The following CRTC1 variants were observed in gnomAD, a reference collection of about 807,000 sequenced individuals.
CRTC1 encodes CREB-regulated transcription coactivator 1.
In CRTC1, 18 loss-of-function variants were observed where a neutral mutation model predicts 66.1. That is an observed-to-expected ratio of 0.27 (90% CI 0.19 to 0.40). The LOEUF (loss-of-function observed/expected upper bound fraction) is 0.40, where lower values mean the gene tolerates loss of function less well. CRTC1 is among the 10% of genes least tolerant of loss of function. The pLI, the probability that CRTC1 is intolerant of heterozygous loss-of-function variation, is 1.00. For synonymous variants in CRTC1, 416 were observed against 398.8 expected (o/e 1.04, Z -0.51); for missense variants, 669 against 887.9 (o/e 0.75, Z 3.13).
chr19:18,736,203 T>C (rs1279346117), intron 1 of CRTC1, among the ~76,000 whole-genome samples: 1 of 152,154 alleles, frequency 6.6e-6, no homozygotes, highest in Non-Finnish European at 1.5e-5. Context: ...TGGAGATCCC[T>C]CCAAGGCCCA....
At chr19:18,700,783 C>A (rs540712206) in intron 1 of CRTC1, among the ~76,000 whole-genome samples, 5 of 152,180 alleles carry the variant, frequency 3.3e-5, no homozygotes, top group African/African-American at 1.2e-4. Context: ...CAAAGACACG[C>A]GAGCTGTCCA....
At chr19:18,740,732 G>A (rs1200060936) in intron 1 of CRTC1, among the ~76,000 whole-genome samples, 1 of 152,172 alleles carries the variant, frequency 6.6e-6, no homozygotes, top group African/African-American at 2.4e-5. Flanking sequence ...GGCCAGGCGC[G>A]GTGACTCATT....
intron 1 of CRTC1, among the ~76,000 whole-genome samples, chr19:18,733,172 C>T (rs1007172015): frequency 6.6e-6 from 1 of 152,134 alleles, no homozygotes; most frequent in Non-Finnish European, 1.5e-5. Context: ...CCTGTCTTCC[C>T]TTAGTGCCTC....
At chr19:18,731,595 G>A (rs1187489513) in intron 1 of CRTC1, among the ~76,000 whole-genome samples, 1 of 152,228 alleles carries the variant, frequency 6.6e-6, no homozygotes, top group Non-Finnish European at 1.5e-5. Context: ...ATCTAACACA[G>A]GACCCGATTC....
At position 18,716,316 on chromosome 19, in the gene CRTC1, G is replaced by A. The variant is rs150552943; in HGVS notation, c.127-26594G>A. ...CACCCAGGCTGGAGTGCAGTGGCACGATCTCAGCTCACTGCAGTCTCCACC... is the reference window on the plus strand; with the variant it reads ...CACCCAGGCTGGAGTGCAGTGGCACAATCTCAGCTCACTGCAGTCTCCACC... On this transcript the variant is annotated intron_variant, in intron 1 of 13. Transcript: ENST00000321949. Among the ~76,000 whole-genome samples the A allele has an allele frequency of 2.8e-4, 43 of 151,766 alleles. No individual in the cohort carries two copies. In the East Asian group the frequency reaches 5.4e-3, roughly 19 times the overall value.
At chr19:18,756,997 C>T (rs1339815594) in intron 6 of CRTC1, among the ~76,000 whole-genome samples, 1 of 152,232 alleles carries the variant, frequency 6.6e-6, no homozygotes, top group Admixed American at 6.5e-5. Flanking sequence ...GGCTTAACAC[C>T]CGCCGGTCGC....
In CRTC1 at chr19:18,768,594, C is replaced by A; in HGVS notation, c.1121C>A (p.Pro374Gln). ...PPQPQPPPPP[P>Q]PASQQPPPPP... ...CAGCCCCAGCCCCCGCCGCCTCCTC[C>A]ACCCGCGTCCCAGCAGCCACCACCC... Residue 374 changes from proline to glutamine, a missense_variant, in exon 10 of 14, where the codon CCA becomes CAA. By Grantham distance (76) the Pro-to-Gln change is moderately conservative. This residue lies in a region of CRTC1 where 241 missense variants were observed against 242.2 expected (regional missense o/e 0.99). Coordinates refer to ENST00000321949, the MANE Select transcript of CRTC1 (RefSeq NM_015321.3). This position sits in a 1 kb window ranked among gnomAD's most constrained non-coding sequence, Gnocchi z 5.6. The A allele has an allele frequency of 6.4e-7, 1 of 1,552,106 alleles. No homozygotes were observed. The highest frequency in any genetic ancestry group is 8.7e-7 in the Non-Finnish European group (1 of 1,144,334).
At chr19:18,707,952 C>A (rs2053302970) in intron 1 of CRTC1, among the ~76,000 whole-genome samples, 1 of 152,278 alleles carries the variant, frequency 6.6e-6, no homozygotes, top group South Asian at 2.1e-4. Context: ...ATGAAGGGGG[C>A]TAACTCTGTC....
chr19:18,739,348 G>C (rs2054064712), intron 1 of CRTC1, among the ~76,000 whole-genome samples: 1 of 152,244 alleles, frequency 6.6e-6, no homozygotes, highest in Non-Finnish European at 1.5e-5. Flanking sequence ...ACCTTGAGGT[G>C]GCTTGTGTTG....
At chr19:18,761,097 T>C (rs1008083770) in intron 8 of CRTC1, among the ~76,000 whole-genome samples, 2 of 150,082 alleles carry the variant, frequency 1.3e-5, no homozygotes, top group Non-Finnish European at 2.9e-5. Context: ...CCTCTGCACA[T>C]GTAGTCCTTC....
rs1040582643 is a variant in CRTC1, at chr19:18,746,918, G to A, written c.382-135G>A. On this transcript the variant is annotated intron_variant, in intron 3 of 13. Coordinates refer to ENST00000321949, the MANE Select transcript of CRTC1 (RefSeq NM_015321.3). ...GAAAGGCCGGCAGGAAACGCCCCCC[G>A]CCCTACTGGTCCCAGCTGTTTGCAG... is the stretch of plus-strand genomic sequence containing the variant. The A allele has an allele frequency of 2.0e-4, 141 of 722,584 alleles. 2 individuals carry two copies. The highest frequency in any genetic ancestry group is 1.5e-3 in the Admixed American group (68 of 45,568). The allele number at this position is 722,584 out of a possible 1,614,324, so 44.8% of individuals were successfully genotyped here.
At chr19:18,758,531 C>T (rs974112023) in intron 6 of CRTC1, among the ~76,000 whole-genome samples, 2 of 152,028 alleles carry the variant, frequency 1.3e-5, no homozygotes, top group African/African-American at 4.8e-5. Context: ...AGCAGAAAAA[C>T]CAGTGTCATG....
In CRTC1 at chr19:18,774,958, C is replaced by T; in HGVS notation, c.1484C>T (p.Ala495Val). 5 of 1,607,928 alleles carry T rather than the reference C, an allele frequency of 3.1e-6. No individual in the cohort carries two copies. Among genetic ancestry groups the T allele is most frequent in the South Asian group, 1.1e-5 (1 of 91,060 alleles). ...GDAYYEQQMA[A>V]RQANALSHQL... ...GCGTACTATGAGCAGCAGATGGCGG[C>T]CAGGCAGGCCAATGCTCTGTCCCAC... The change falls in exon 12 of 14, where the codon GCC becomes GTC. Residue 495 changes from alanine (A) to valine (V), a missense_variant. Coordinates refer to ENST00000321949, the MANE Select transcript of CRTC1 (RefSeq NM_015321.3).
intron 1 of CRTC1, among the ~76,000 whole-genome samples, chr19:18,702,893 T>C (rs1433675285): frequency 6.6e-6 from 1 of 152,106 alleles, no homozygotes; most frequent in Non-Finnish European, 1.5e-5. Flanking sequence ...TTTCCCACAT[T>C]GTGAACATCA....
At chr19:18,683,933 G>A (rs1370022354) in intron 1 of CRTC1, 105 bp downstream of exon 1, 1 of 156,728 alleles carries the variant, frequency 6.4e-6, no homozygotes, top group Non-Finnish European at 1.3e-5. Context: ...CGGCGGGGGC[G>A]GGGCGCGCGC....
intron 10 of CRTC1, among the ~76,000 whole-genome samples, chr19:18,769,419 CAG>C (rs2054812648): frequency 6.6e-6 from 1 of 152,256 alleles, no homozygotes; most frequent in South Asian, 2.1e-4. Flanking sequence ...TCCAGGGAAA[CAG>C]GGACTTGTGT....
chr19:18,729,548 C>T (rs1023503762), intron 1 of CRTC1, among the ~76,000 whole-genome samples: 1 of 151,792 alleles, frequency 6.6e-6, no homozygotes, highest in Non-Finnish European at 1.5e-5. Context: ...AGTTTGAGAC[C>T]AGCCTGGGCA....
intron 1 of CRTC1, among the ~76,000 whole-genome samples, chr19:18,694,298 CAAAAAAA>C (rs202211420): frequency 2.5e-4 from 23 of 91,330 alleles, no homozygotes; most frequent in Non-Finnish European, 4.5e-4. Flanking sequence ...GACTCCATCT[CAAAAAAA>C]AAAAAAAAAA....
intron 1 of CRTC1, among the ~76,000 whole-genome samples, chr19:18,685,436 C>T (rs1368040057): frequency 2.0e-5 from 3 of 152,086 alleles, no homozygotes. Context: ...GGCAGTGGAT[C>T]ACCTGAGGTT....
Sources: allele counts gnomAD v4.1 joint callset (sites outside exome capture counted in the v4.1 genomes callset), GRCh38; gene constraint gnomAD v4.1.1; regional missense constraint gnomAD v4.1.1; non-coding constraint Gnocchi (gnomAD v3.1); transcripts MANE v1.5; gene names NCBI Gene and HGNC (gene_info 2026-07-23, HGNC 2026-07-21).